The following CNTNAP4 variants were observed in gnomAD, a reference collection of about 807,000 sequenced individuals.
The protein encoded by CNTNAP4 is contactin-associated protein-like 4.
In CNTNAP4, 98 loss-of-function variants were observed where a neutral mutation model predicts 148.4. The observed-to-expected ratio is 0.66, with a 90% confidence interval of 0.56 to 0.78. CNTNAP4 has a LOEUF of 0.78. Among genes scored for constraint, CNTNAP4 ranks in the 30% least tolerant of loss-of-function variants. The pLI is 0.00. For synonymous variants in CNTNAP4, 730 were observed against 565.1 expected (o/e 1.29, Z -4.14); for missense variants, 1,935 against 1,565.6 (o/e 1.24, Z -3.98).
chr16:76,464,511 C>T (rs1403397430), intron 9 of CNTNAP4, among the ~76,000 whole-genome samples: 2 of 152,182 alleles, frequency 1.3e-5, no homozygotes, highest in Non-Finnish European at 2.9e-5. Context: ...TCACTAGGAT[C>T]TGTGTTGTCT....
chr16:76,501,401 A>G (rs1008851525), intron 15 of CNTNAP4, among the ~76,000 whole-genome samples: 2 of 152,068 alleles, frequency 1.3e-5, no homozygotes, highest in African/African-American at 4.8e-5. Context: ...ACCCCTGCCT[A>G]TTTGTATGTT....
intron 1 of CNTNAP4, among the ~76,000 whole-genome samples, chr16:76,315,381 A>G (rs1460994220): frequency 1.3e-5 from 2 of 152,196 alleles, no homozygotes; most frequent in Non-Finnish European, 2.9e-5. Flanking sequence ...GACTGGTGGA[A>G]CATAGGGTAT....
Position 76,435,029 on chromosome 16 carries a change from C to G in CNTNAP4, c.538+7430C>G, listed in dbSNP as rs113535149. On this transcript the variant is annotated intron_variant, in intron 4 of 23. Transcript: ENST00000611870. ...TGATTATTTTCCTTTCCCCAGTGCACAGTTACCCTGGTAAAAGGCTGAATG... is the reference window on the plus strand; with the variant it reads ...TGATTATTTTCCTTTCCCCAGTGCAGAGTTACCCTGGTAAAAGGCTGAATG... Among the ~76,000 whole-genome samples, 679 of 152,222 alleles carry G rather than the reference C, an allele frequency of 4.5e-3. 3 individuals are homozygous for G. The highest frequency in any genetic ancestry group is 0.015 in the African/African-American group (623 of 41,556).
intron 17 of CNTNAP4, among the ~76,000 whole-genome samples, chr16:76,533,584 T>C (rs2084081804): frequency 6.6e-6 from 1 of 152,068 alleles, no homozygotes. Context: ...ATGTACCCCA[T>C]AAATATGAAC....
At chr16:76,356,008 T>C (rs934500818) in intron 3 of CNTNAP4, among the ~76,000 whole-genome samples, 1 of 151,786 alleles carries the variant, frequency 6.6e-6, no homozygotes, top group Non-Finnish European at 1.5e-5. Context: ...CCAAGTAGCT[T>C]GGATTATAGT....
At chr16:76,477,685 G>A (rs780024860) in intron 11 of CNTNAP4, among the ~76,000 whole-genome samples, 6 of 152,122 alleles carry the variant, frequency 3.9e-5, no homozygotes, top group Non-Finnish European at 8.8e-5. Context: ...CACCTCACCT[G>A]TACTTGCATG....
At chr16:76,355,894 G>C (rs1359179198) in intron 3 of CNTNAP4, among the ~76,000 whole-genome samples, 1 of 138,600 alleles carries the variant, frequency 7.2e-6, no homozygotes, top group African/African-American at 2.8e-5. Flanking sequence ...ATTTATTTTT[G>C]AAACAGAGTC....
chr16:76,541,626 C>T (rs2084458888), intron 21 of CNTNAP4, among the ~76,000 whole-genome samples: 1 of 151,978 alleles, frequency 6.6e-6, no homozygotes, highest in Non-Finnish European at 1.5e-5. Context: ...TTATTTGTAC[C>T]TCAATTAATC....
At chr16:76,514,652 C>G (rs78386377) in intron 15 of CNTNAP4, among the ~76,000 whole-genome samples, 23,939 of 152,100 alleles carry the variant, frequency 0.16, 2,436 homozygotes, top group Admixed American at 0.3. Context: ...CTGCAAACCA[C>G]AAGCTATAAT....
chr16:76,499,205 T>A (rs1306282356), intron 15 of CNTNAP4, among the ~76,000 whole-genome samples: 1 of 151,928 alleles, frequency 6.6e-6, no homozygotes, highest in African/African-American at 2.4e-5. Context: ...ACAATTTTTT[T>A]AATTAAAAAA....
intron 3 of CNTNAP4, among the ~76,000 whole-genome samples, chr16:76,388,586 C>T (rs1297099501): frequency 6.6e-6 from 1 of 152,162 alleles, no homozygotes; most frequent in Admixed American, 6.5e-5. Flanking sequence ...AAAGTCATCT[C>T]CTGTAATACT....
intron 2 of CNTNAP4, among the ~76,000 whole-genome samples, chr16:76,350,739 G>C (rs8045505): frequency 0.13 from 19,812 of 152,180 alleles, 2,006 homozygotes; most frequent in East Asian, 0.47. Context: ...CACTTAATAT[G>C]CTTTTAAAAT....
chr16:76,332,323 C>T (rs1211169595), intron 2 of CNTNAP4, among the ~76,000 whole-genome samples: 3 of 152,086 alleles, frequency 2.0e-5, no homozygotes, highest in African/African-American at 4.8e-5. Context: ...TGCAGTGGTG[C>T]AATTATAACT....
intron 4 of CNTNAP4, 63 bp downstream of exon 4, chr16:76,427,662 C>A: frequency 7.0e-7 from 1 of 1,423,744 alleles, no homozygotes; most frequent in Non-Finnish European, 9.4e-7. Context: ...AAAAGCCAAA[C>A]TACAAACTGA....
chr16:76,389,875 G>A (rs939391935), intron 3 of CNTNAP4, among the ~76,000 whole-genome samples: 1 of 152,152 alleles, frequency 6.6e-6, no homozygotes, highest in African/African-American at 2.4e-5. Flanking sequence ...TTTAGTTTGG[G>A]TTCCTCTAGA....
chr16:76,499,705 T>G (rs12924800), intron 15 of CNTNAP4, among the ~76,000 whole-genome samples: 1 of 143,806 alleles, frequency 7.0e-6, no homozygotes, highest in Admixed American at 6.9e-5. Context: ...AGGGCCCTGC[T>G]GCCTTCCGCA....
intron 3 of CNTNAP4, among the ~76,000 whole-genome samples, chr16:76,363,206 G>T (rs911506091): frequency 2.0e-5 from 3 of 150,652 alleles, no homozygotes; most frequent in Admixed American, 2.0e-4. Context: ...TTGCACCCAG[G>T]CTGGAGTGCA....
At chr16:76,556,779 C>A (rs979662289) in intron 23 of CNTNAP4, among the ~76,000 whole-genome samples, 2 of 152,038 alleles carry the variant, frequency 1.3e-5, no homozygotes, top group African/African-American at 4.8e-5. Context: ...TTAATGAATT[C>A]TTCAGATTTC....
chr16:76,300,672 C>T (rs1047880615), intron 1 of CNTNAP4, among the ~76,000 whole-genome samples: 3 of 152,128 alleles, frequency 2.0e-5, no homozygotes, highest in Non-Finnish European at 2.9e-5. Context: ...ATATCTTTCT[C>T]ACAAAGTTGT....
Sources: gnomAD v4.1 joint callset for allele counts (sites outside exome capture counted in the v4.1 genomes callset) on GRCh38, gnomAD v4.1.1 for gene constraint, MANE v1.5 for transcripts, NCBI Gene and HGNC (gene_info 2026-07-23, HGNC 2026-07-21) for gene names.